EEF2: variants seen among roughly 807,000 people sequenced by gnomAD.
The protein encoded by EEF2 is elongation factor 2.
Under a neutral mutation model 85.3 loss-of-function variants are expected in EEF2, and 21 were observed. The ratio of observed to expected loss-of-function variants is 0.25; its 90% CI spans 0.17 to 0.35. The LOEUF is 0.35. Ranked by LOEUF, EEF2 falls within the 10% of genes least tolerant of loss-of-function variation. The pLI, the probability that EEF2 is intolerant of heterozygous loss-of-function variation, is 1.00. For missense variants in EEF2, 825 were observed against 1,225.3 expected, an observed-to-expected ratio of 0.67 and a Z score of 4.88; for synonymous variants, 723 against 508.8, an observed-to-expected ratio of 1.42 and a Z score of -5.67.
rs144298597 is a variant in EEF2, at chr19:3,982,404, G to T, written c.633C>A (p.Thr211=). The change falls in exon 5 of 15, where the codon ACC becomes ACA. Residue 211 remains threonine, a synonymous_variant. Transcript: ENST00000309311. Reference sequence around the variant, plus strand: ...CGTGGAGGCCAGACCCAAAGCCCACGGTACCGAGGACAGGATCGATCTGGA... The same window carrying T: ...CGTGGAGGCCAGACCCAAAGCCCACTGTACCGAGGACAGGATCGATCTGGA... ...GNIMIDPVLG[T]VGFGSGLHGW... 1 of 1,614,092 alleles carries T rather than the reference G, an allele frequency of 6.2e-7. No individual in the cohort carries two copies. Among genetic ancestry groups the T allele is most frequent in the South Asian group, 1.1e-5 (1 of 91,086 alleles).
At chr19:3,979,203 T>G (rs554561565) in intron 11 of EEF2, 126 bp downstream of exon 11, 10 of 692,516 alleles carry the variant, frequency 1.4e-5, no homozygotes, top group Middle Eastern at 3.9e-4. Flanking sequence ...CTTGAGGAAC[T>G]TAAGAAGCTG....
At chr19:3,980,483 C>T (rs772363314) in intron 9 of EEF2, 31 bp downstream of exon 9, 2 of 1,597,896 alleles carry the variant, frequency 1.3e-6, no homozygotes, top group Non-Finnish European at 1.7e-6. Flanking sequence ...GCAACAGTGC[C>T]AAGGGGCCTG....
intron 14 of EEF2, 86 bp from the exon 15 acceptor site, chr19:3,976,833 C>G (rs2039685183): frequency 4.4e-6 from 6 of 1,378,022 alleles, no homozygotes; most frequent in African/African-American, 1.5e-5. Context: ...AGGCTAGTTC[C>G]TCAGCCTGAG....
rs776537663 is a variant in EEF2, at chr19:3,980,834, C to CA, written c.1150+6dup. On this transcript the variant is annotated splice_region_variant and intron_variant, in intron 8 of 14. Transcript: ENST00000309311. ...CATCTCAGGGCCCGGCCACCGGGAC[C>CA]ACGTACCCATGGCAGCCTCGTCGTC... The CA allele has an allele frequency of 2.0e-5, 31 of 1,571,440 alleles. No individual in the cohort carries two copies. The highest frequency in any genetic ancestry group is 1.7e-4 in the Middle Eastern group (1 of 6,030).
intron 14 of EEF2, 40 bp from the exon 15 acceptor site, chr19:3,976,787 G>A (rs763010885): frequency 6.7e-7 from 1 of 1,489,282 alleles, no homozygotes; most frequent in Non-Finnish European, 8.9e-7. Flanking sequence ...CCATCGAGAA[G>A]GTGGCAGGGC....
Position 3,983,015 on chromosome 19 carries a change from A to T in EEF2, c.404T>A (p.Val135Glu). The T allele has an allele frequency of 6.2e-7, 1 of 1,612,746 alleles. No homozygotes were observed. The highest frequency in any genetic ancestry group is 8.5e-7 in the Non-Finnish European group (1 of 1,179,886). ...ALVVVDCVSG[V>E]CVQTETVLRQ... ...CAGCACTGTCTCCGTCTGCACGCAC[A>T]CGCCTGGGGACACGGGGGACAGGGC... Residue 135 changes from valine to glutamate, a missense_variant, in exon 4 of 15, where the codon GTG (valine) becomes GAG (glutamate). Coordinates refer to ENST00000309311, the MANE Select transcript of EEF2 (RefSeq NM_001961.4).
chr19:3,978,215 G>A (rs746684937), intron 11 of EEF2, 43 bp from the exon 12 acceptor site: 32 of 1,422,290 alleles, frequency 2.2e-5, no homozygotes, highest in African/African-American at 5.8e-5. Flanking sequence ...GGAGAAAGAG[G>A]TGACCTTACA....
chr19:3,982,353 A>G lies in EEF2; in HGVS notation c.684T>C (p.Phe228=), dbSNP rs780195940. The change falls in exon 5 of 15, where the codon TTT becomes TTC. Residue 228 remains phenylalanine (F), a synonymous_variant. Transcript: ENST00000309311. ...LHGWAFTLKQ[F]AEMYVAKFAA... ...CGAACTTGGCCACATACATCTCGGC[A>G]AACTGCTTCAGGGTGAAGGCCCACC... 6.2e-7 allele frequency: 1 copy of G among 1,614,104 alleles called. No homozygotes were observed. The highest frequency in any genetic ancestry group is 8.5e-7 in the Non-Finnish European group (1 of 1,180,022).
At position 3,977,231 on chromosome 19, in the gene EEF2, G is replaced by A. The variant is rs760361343; in HGVS notation, c.2367C>T (p.Pro789=). The change falls in exon 14 of 15, where the codon CCC becomes CCT. Residue 789 remains proline (P), a synonymous_variant. Coordinates refer to ENST00000309311, the MANE Select transcript of EEF2 (RefSeq NM_001961.4). The surrounding 1 kb of genome is among the most constrained non-coding windows in gnomAD (Gnocchi z 5.4). ...GGCACTCACCAAAGGACTCGTTGAC[G>A]GGCAGATAGGCCTTGACCACAAACA... ...TPMFVVKAYL[P]VNESFGFTAD... 82 of 1,613,516 alleles carry A rather than the reference G, an allele frequency of 5.1e-5. No homozygotes were observed. The highest frequency in any genetic ancestry group is 6.2e-5 in the Non-Finnish European group (73 of 1,179,936).
intron 11 of EEF2, among the ~76,000 whole-genome samples, chr19:3,978,963 A>C (rs1429438420): frequency 6.6e-6 from 1 of 151,816 alleles, no homozygotes; most frequent in Non-Finnish European, 1.5e-5. Context: ...GCCTCTACTA[A>C]AAATACAAAA....
At position 3,979,708 on chromosome 19, in the gene EEF2, C is replaced by T. The variant is rs535967551; in HGVS notation, c.1605+100G>A. The T allele has an allele frequency of 9.0e-5, 137 of 1,516,670 alleles. No individual in the cohort carries two copies. The African/African-American group carries it at 1.8e-3, about 20-fold the overall frequency. The allele number at this position is 1,516,670 out of a possible 1,614,324, so 94.0% of individuals were successfully genotyped here. ...GAACCCCTCCTTTCATGACCAGTCA[C>T]CCCAATCCACCAACCACAGCAACCC... On this transcript the variant is annotated intron_variant, in intron 10 of 14. Transcript: ENST00000309311.
chr19:3,976,968 C>T (rs142137703), intron 14 of EEF2, among the ~76,000 whole-genome samples: 4 of 152,336 alleles, frequency 2.6e-5, no homozygotes, highest in East Asian at 1.9e-4. Flanking sequence ...GCTGCTCTAC[C>T]GGCCCAGGGC....
In EEF2 at chr19:3,985,397, G is replaced by T. The variant is rs772958286; in HGVS notation, c.-17C>A. 1.3e-6 allele frequency: 2 copies of T among 1,511,192 alleles called. No individual in the cohort carries two copies. The highest frequency in any genetic ancestry group is 1.8e-6 in the Non-Finnish European group (2 of 1,126,722). The allele number at this position is 1,511,192 out of a possible 1,614,324, so 93.6% of individuals were successfully genotyped here. A position where few individuals can be genotyped will look rare whatever the true frequency, so the allele number is the denominator to read the frequency against. On this transcript the variant is annotated 5_prime_UTR_variant, in exon 1 of 15. Transcript: ENST00000309311. ...ACTCACCATGGTGGCGGATGGCGGT[G>T]GATTCTCCCAGGTAGAACCGAAAGA...
intron 11 of EEF2, among the ~76,000 whole-genome samples, chr19:3,978,527 C>T (rs1014742755): frequency 1.2e-4 from 18 of 152,156 alleles, no homozygotes; most frequent in East Asian, 3.9e-4. Context: ...CCCCGGAGGC[C>T]GGGCGTGGTG....
rs749466748 is a variant in EEF2 at position 3,976,581 on chromosome 19, G to A, written c.2550C>T (p.Ala850=). ...KRKGLKEGIP[A]LDNFLDKL ...ACAATTTGTCCAGGAAGTTGTCCAG[G>A]GCAGGGATGCCTTCTTTCAGGCCCT... is the stretch of plus-strand genomic sequence containing the variant. Residue 850 remains alanine, a synonymous_variant, in exon 15 of 15, where the codon GCC becomes GCT. Coordinates refer to ENST00000309311, the MANE Select transcript of EEF2 (RefSeq NM_001961.4). 4 of 1,609,752 alleles carry A rather than the reference G, an allele frequency of 2.5e-6. No homozygotes were observed. Among genetic ancestry groups the A allele is most frequent in the Non-Finnish European group, 1.7e-6 (2 of 1,178,296 alleles).
At position 3,976,568 on chromosome 19, in the gene EEF2, G is replaced by A; in HGVS notation, c.2563C>T (p.Leu855=). The A allele has an allele frequency of 6.2e-7, 1 of 1,607,928 alleles. No homozygotes were observed. The highest frequency in any genetic ancestry group is 1.1e-5 in the South Asian group (1 of 89,974). ...KEGIPALDNF[L]DKL Reference sequence around the variant, plus strand: ...GGAAGGGCCGCCTACAATTTGTCCAGGAAGTTGTCCAGGGCAGGGATGCCT... The same window carrying A: ...GGAAGGGCCGCCTACAATTTGTCCAAGAAGTTGTCCAGGGCAGGGATGCCT... The change falls in exon 15 of 15, where the codon CTG becomes TTG. Residue 855 remains leucine, a synonymous_variant. Coordinates refer to ENST00000309311, the MANE Select transcript of EEF2 (RefSeq NM_001961.4).
chr19:3,979,626 G>C (rs145040050), intron 10 of EEF2, among the ~76,000 whole-genome samples, 182 bp downstream of exon 10: 3 of 152,264 alleles, frequency 2.0e-5, no homozygotes, highest in African/African-American at 4.8e-5. Context: ...GCGCAGAGCA[G>C]CCTAGGAGAG....
chr19:3,981,776 T>C (rs1327624149), intron 6 of EEF2, among the ~76,000 whole-genome samples, 171 bp downstream of exon 6: 1 of 152,188 alleles, frequency 6.6e-6, no homozygotes, highest in Non-Finnish European at 1.5e-5. Context: ...GCAGTCCAGA[T>C]CTTAAGAGAG....
chr19:3,978,661 C>T (rs568579177), intron 11 of EEF2, among the ~76,000 whole-genome samples: 60 of 149,954 alleles, frequency 4.0e-4, no homozygotes, highest in African/African-American at 1.4e-3. Flanking sequence ...AAAAATTAGC[C>T]GGGCATGATG....
Sources: allele counts gnomAD v4.1 joint callset (sites outside exome capture counted in the v4.1 genomes callset), GRCh38; gene constraint gnomAD v4.1.1; non-coding constraint Gnocchi (gnomAD v3.1); transcripts MANE v1.5; gene names NCBI Gene and HGNC (gene_info 2026-07-23, HGNC 2026-07-21).